The following NSD1 variants were observed in gnomAD, a reference collection of about 807,000 sequenced individuals.
NSD1 encodes the protein histone-lysine N-methyltransferase, H3 lysine-36 specific.
Under a neutral mutation model 242.7 loss-of-function variants are expected in NSD1, and 26 were observed. The observed-to-expected ratio is 0.11, with a 90% CI of 0.08 to 0.15. NSD1 has a LOEUF of 0.15. Among genes scored for constraint, NSD1 ranks in the 10% least tolerant of loss-of-function variants. The pLI is 1.00. For synonymous variants in NSD1, 1,106 were observed against 1,178.1 expected (o/e 0.94, Z 1.25); for missense variants, 2,495 against 3,272.8 (o/e 0.76, Z 5.80).
At chr5:177,188,363 T>A (rs1761401255) in intron 2 of NSD1, among the ~76,000 whole-genome samples, 1 of 152,202 alleles carries the variant, frequency 6.6e-6, no homozygotes. Context: ...GTCCTTATTG[T>A]CTATGAACGA....
At position 177,279,869 on chromosome 5, in the gene NSD1, G is replaced by A. The variant is rs905489074; in HGVS notation, c.5623-696G>A. ...CCTGACCTCGTGATCCACCTGCCTCGGCCTCCCAAAGTGCTGGGATTACAG... is the reference window on the plus strand; with the variant it reads ...CCTGACCTCGTGATCCACCTGCCTCAGCCTCCCAAAGTGCTGGGATTACAG... On this transcript the variant is annotated intron_variant, in intron 17 of 22. Coordinates refer to ENST00000439151, the MANE Select transcript of NSD1 (RefSeq NM_022455.5). Among the ~76,000 whole-genome samples, 6 of 150,760 alleles carry A rather than the reference G, an allele frequency of 4.0e-5. No individual in the cohort carries two copies. In the East Asian group the frequency reaches 7.8e-4, roughly 20 times the overall value.
Position 177,135,531 on chromosome 5 carries a change from C to T in NSD1, c.428C>T (p.Thr143Ile). The change falls in exon 2 of 23, where the codon ACA (threonine) becomes ATA (isoleucine). Residue 143 changes from threonine to isoleucine, a missense_variant. This residue lies in a region of NSD1 where 376 missense variants were observed against 367.4 expected (regional missense o/e 1.02). Coordinates refer to ENST00000439151, the MANE Select transcript of NSD1 (RefSeq NM_022455.5). ...TCCCCTGAACTCCAGGTAAAAGTAA[C>T]AAAGACTATCAAGAATGGCTTTCTG... Reference protein sequence around the residue: ...NNSPELQVKVTKTIKNGFLHF... With the variant: ...NNSPELQVKVIKTIKNGFLHF... 6.2e-7 allele frequency: 1 copy of T among 1,614,158 alleles called. No individual in the cohort carries two copies. The highest frequency in any genetic ancestry group is 8.5e-7 in the Non-Finnish European group (1 of 1,180,034).
intron 12 of NSD1, among the ~76,000 whole-genome samples, chr5:177,255,448 G>A (rs367605697): frequency 1.3e-5 from 2 of 152,146 alleles, no homozygotes; most frequent in African/African-American, 4.8e-5. Flanking sequence ...TGAATGAGCC[G>A]TTTCCAGCAA....
chr5:177,296,408 A>G lies in NSD1; in HGVS notation c.*949A>G, dbSNP rs1203311047. 3 of 233,200 alleles carry G rather than the reference A, an allele frequency of 1.3e-5. No homozygotes were observed. Among genetic ancestry groups the G allele is most frequent in the African/African-American group, 2.2e-5 (1 of 45,320 alleles). The allele number at this position is 233,200 out of a possible 1,614,324, so 14.4% of individuals were successfully genotyped here. A position where few individuals can be genotyped will look rare whatever the true frequency, so the allele number is the denominator to read the frequency against. ...GAATCCACCCCATCCCTATTTCCCT[A>G]AAACACTCAGGTGCTTTCAGATTTC... On this transcript the variant is annotated 3_prime_UTR_variant, in exon 23 of 23. Transcript: ENST00000439151.
At chr5:177,139,973 G>A (rs1756676152) in intron 2 of NSD1, among the ~76,000 whole-genome samples, 1 of 151,908 alleles carries the variant, frequency 6.6e-6, no homozygotes, top group African/African-American at 2.4e-5. Flanking sequence ...AATTCTCTTG[G>A]CAGTGGGTAA....
chr5:177,282,088 T>C (rs1425746527), intron 18 of NSD1, among the ~76,000 whole-genome samples: 22 of 152,192 alleles, frequency 1.4e-4, no homozygotes, highest in Non-Finnish European at 2.9e-5. Context: ...CTTTGAAATA[T>C]AGAGCAGAGC....
chr5:177,218,434 C>A (rs9313752), intron 5 of NSD1, among the ~76,000 whole-genome samples: 126,116 of 152,132 alleles, frequency 0.83, 52,948 homozygotes, highest in East Asian at 1. Flanking sequence ...TTTTTTCTAC[C>A]TCAAGTGTGA....
chr5:177,252,993 G>A (rs181089563), intron 12 of NSD1, among the ~76,000 whole-genome samples: 4 of 152,146 alleles, frequency 2.6e-5, no homozygotes, highest in South Asian at 2.1e-4. Context: ...CTCTTATAAC[G>A]AGTTACTGGA....
chr5:177,228,236 T>G (rs10072499), intron 5 of NSD1, among the ~76,000 whole-genome samples: 34,946 of 151,024 alleles, frequency 0.23, 5,376 homozygotes, highest in East Asian at 0.51. Flanking sequence ...AGTATATTGA[T>G]AACATTGGCC....
intron 2 of NSD1, among the ~76,000 whole-genome samples, chr5:177,154,053 C>T (rs1374425408): frequency 6.6e-6 from 1 of 152,048 alleles, no homozygotes; most frequent in Non-Finnish European, 1.5e-5. Context: ...GCCAGGGCTG[C>T]GGTCTCTGAA....
chr5:177,198,521 T>C (rs1762272449), intron 3 of NSD1, among the ~76,000 whole-genome samples: 1 of 152,144 alleles, frequency 6.6e-6, no homozygotes, highest in Non-Finnish European at 1.5e-5. Flanking sequence ...ACCTCCATCA[T>C]GAGGGACCTA....
chr5:177,215,845 TTA>T (rs1373294518), intron 5 of NSD1, among the ~76,000 whole-genome samples: 2 of 152,220 alleles, frequency 1.3e-5, no homozygotes, highest in Non-Finnish European at 2.9e-5. Context: ...CTGCATCATT[TTA>T]TAAGTCCTTT....
chr5:177,135,711 T>TAAA lies in NSD1; in HGVS notation c.610_612dup (p.Lys204dup). On this transcript the variant is annotated inframe_insertion, in exon 2 of 23. Coordinates refer to ENST00000439151, the MANE Select transcript of NSD1 (RefSeq NM_022455.5). Reference sequence around the variant, plus strand: ...TATGAGACTAAATCAGAGAATGGTGTAAAAGTGGCCATGGGAAGTGAACAA... The same window carrying TAAA: ...TATGAGACTAAATCAGAGAATGGTGTAAAAAAAGTGGCCATGGGAAGTGAACAA... 1 of 1,614,168 alleles carries TAAA rather than the reference T, an allele frequency of 6.2e-7. No individual in the cohort carries two copies. The highest frequency in any genetic ancestry group is 8.5e-7 in the Non-Finnish European group (1 of 1,180,042).
chr5:177,213,124 T>C (rs1763489886), intron 5 of NSD1, among the ~76,000 whole-genome samples: 1 of 152,236 alleles, frequency 6.6e-6, no homozygotes, highest in African/African-American at 2.4e-5. Flanking sequence ...GTGTTGTACC[T>C]AGCAGCAGAT....
chr5:177,241,170 A>G (rs754590518), intron 8 of NSD1, among the ~76,000 whole-genome samples: 3 of 151,902 alleles, frequency 2.0e-5, no homozygotes, highest in Non-Finnish European at 4.4e-5. Context: ...CCCCATATTG[A>G]TGTCCAGTTG....
intron 3 of NSD1, among the ~76,000 whole-genome samples, chr5:177,195,569 G>A (rs543749229): frequency 7.8e-4 from 119 of 152,232 alleles, no homozygotes; most frequent in African/African-American, 2.7e-3. Flanking sequence ...CCAGGGTCAA[G>A]CGATCTTCCC....
chr5:177,183,966 A>T (rs999957981), intron 2 of NSD1, among the ~76,000 whole-genome samples: 1 of 152,140 alleles, frequency 6.6e-6, no homozygotes, highest in Non-Finnish European at 1.5e-5. Context: ...AAATGATAGG[A>T]TCTCATTCTT....
At chr5:177,231,492 A>T (rs1765051481) in intron 5 of NSD1, among the ~76,000 whole-genome samples, 1 of 152,180 alleles carries the variant, frequency 6.6e-6, no homozygotes. Flanking sequence ...CAGTGGCACG[A>T]TCTCGACTCA....
intron 11 of NSD1, 78 bp from the exon 12 acceptor site, chr5:177,251,652 C>T (rs1755979022): frequency 6.7e-7 from 1 of 1,496,164 alleles, no homozygotes; most frequent in African/African-American, 1.4e-5. Context: ...CCTTTGTTTA[C>T]TTTAACCCAC....
Sources: gnomAD v4.1 joint callset for allele counts (sites outside exome capture counted in the v4.1 genomes callset) on GRCh38, gnomAD v4.1.1 for gene constraint, gnomAD v4.1.1 regional missense constraint, MANE v1.5 for transcripts, NCBI Gene and HGNC (gene_info 2026-07-23, HGNC 2026-07-21) for gene names.